The following SYNPO2 variants were observed in gnomAD, a reference collection of about 807,000 sequenced individuals.
The protein encoded by SYNPO2 is synaptopodin 2.
In SYNPO2, 56 loss-of-function variants were observed where a neutral mutation model predicts 85.0. That is an observed-to-expected ratio of 0.66 (90% confidence interval 0.53 to 0.82). The LOEUF (loss-of-function observed/expected upper bound fraction) is 0.82, where lower values mean the gene tolerates loss of function less well. SYNPO2 is among the 40% of genes least tolerant of loss of function. The pLI is 0.00. For synonymous variants in SYNPO2, 602 were observed against 591.1 expected, an observed-to-expected ratio of 1.02 and a Z score of -0.27; for missense variants, 1,575 against 1,534.2, an observed-to-expected ratio of 1.03 and a Z score of -0.44.
chr4:119,046,405 A>T (rs1466220710), intron 4 of SYNPO2, among the ~76,000 whole-genome samples: 2 of 152,226 alleles, frequency 1.3e-5, no homozygotes, highest in Non-Finnish European at 2.9e-5. Context: ...TGGCCAACCC[A>T]GCTGCCTGCA....
chr4:119,034,705 G>C (rs1738429980), intron 4 of SYNPO2: 1 of 985,412 alleles, frequency 1.0e-6, no homozygotes, highest in Non-Finnish European at 1.2e-6. Flanking sequence ...GTGGGAGGAA[G>C]AAGGACTAAC....
chr4:118,921,779 G>GCACACACACA (rs149219584), intron 1 of SYNPO2, among the ~76,000 whole-genome samples: 21 of 148,508 alleles, frequency 1.4e-4, no homozygotes, highest in South Asian at 6.5e-4. Flanking sequence ...CTTTTCATAT[G>GCACACACACA]CACACACACA....
At chr4:118,895,856 T>C (rs1455330420) in intron 1 of SYNPO2, among the ~76,000 whole-genome samples, 1 of 152,248 alleles carries the variant, frequency 6.6e-6, no homozygotes. Context: ...CTCTGTCAGT[T>C]AATTAGTGTT....
chr4:119,031,541 T>C lies in SYNPO2; in HGVS notation c.2766T>C (p.Pro922=), dbSNP rs1036698710. The change falls in exon 4 of 5, where the codon CCT becomes CCC. Residue 922 remains proline, a synonymous_variant. Transcript: ENST00000307142. ...KYSSNVRAPP[P]VAYNPIHSPS... ...CCTCCAATGTCCGAGCACCTCCTCC[T>C]GTGGCCTATAATCCTATCCACTCGC... The C allele has an allele frequency of 6.2e-7, 1 of 1,614,040 alleles. No homozygotes were observed.
intron 1 of SYNPO2, among the ~76,000 whole-genome samples, chr4:118,925,691 C>A (rs1048314643): frequency 8.6e-5 from 13 of 152,034 alleles, no homozygotes; most frequent in Admixed American, 8.5e-4. Flanking sequence ...TTAAAATCAG[C>A]GGGTCAGTTT....
intron 1 of SYNPO2, among the ~76,000 whole-genome samples, chr4:118,924,497 G>A (rs978418584): frequency 6.6e-6 from 1 of 152,142 alleles, no homozygotes; most frequent in Non-Finnish European, 1.5e-5. Flanking sequence ...GTTACTAGGG[G>A]ACTCAGAGCA....
chr4:118,952,531 T>G (rs573793331), intron 1 of SYNPO2, among the ~76,000 whole-genome samples: 1 of 152,326 alleles, frequency 6.6e-6, no homozygotes, highest in South Asian at 2.1e-4. Context: ...TAATTATGTA[T>G]TTTGAATTAA....
At chr4:118,890,159 C>T (rs1436338006) in intron 1 of SYNPO2, among the ~76,000 whole-genome samples, 1 of 150,160 alleles carries the variant, frequency 6.7e-6, no homozygotes, top group Non-Finnish European at 1.5e-5. Context: ...TTTCCCTCTG[C>T]CTTTTACGTT....
At position 118,889,159 on chromosome 4, in the gene SYNPO2, T is replaced by C. The variant is rs1464512404; in HGVS notation, c.105+18T>C. Reference sequence around the variant, plus strand: ...TTGCAAAGGTAGGACCTGAACGAAGTGTCACGGCTCTGTGCTAGGAAGGAA... The same window carrying C: ...TTGCAAAGGTAGGACCTGAACGAAGCGTCACGGCTCTGTGCTAGGAAGGAA... On this transcript the variant is annotated intron_variant, in intron 1 of 4. Transcript: ENST00000307142. 1 of 1,612,160 alleles carries C rather than the reference T, an allele frequency of 6.2e-7. No homozygotes were observed. The highest frequency in any genetic ancestry group is 8.5e-7 in the Non-Finnish European group (1 of 1,178,670).
intron 4 of SYNPO2, chr4:119,033,362 G>C (rs1023987602): frequency 2.0e-6 from 2 of 985,236 alleles, no homozygotes; most frequent in Admixed American, 1.2e-4. Flanking sequence ...TTCAGGCAAG[G>C]TTACCTTGTA....
intron 1 of SYNPO2, among the ~76,000 whole-genome samples, chr4:118,877,992 T>G (rs1023649982): frequency 6.6e-6 from 1 of 152,104 alleles, no homozygotes; most frequent in African/African-American, 2.4e-5. Context: ...GTTTAAAAAA[T>G]ATGGTACATA....
rs201372229 is a variant in SYNPO2, at chr4:119,057,913, G to A, written c.3765G>A (p.Arg1255=). 2.2e-5 allele frequency: 35 copies of A among 1,611,548 alleles called. No homozygotes were observed. The highest frequency in any genetic ancestry group is 2.8e-5 in the Non-Finnish European group (33 of 1,178,870). Residue 1255 remains arginine (R), a synonymous_variant, in exon 5 of 5, where the codon AGG becomes AGA. Transcript: ENST00000307142. ...VADYNYNPHP[R]GWRRQT is the part of the protein sequence containing the mutation. ...ATTACAACTACAACCCACACCCAAG[G>A]GGATGGAGACGCCAAACATGAAAGT...
intron 1 of SYNPO2, among the ~76,000 whole-genome samples, chr4:118,968,283 T>A (rs919180816): frequency 3.9e-5 from 6 of 152,208 alleles, no homozygotes; most frequent in African/African-American, 1.4e-4. Context: ...CACTTGCTAA[T>A]GCCAATCAGA....
At chr4:118,967,860 C>T (rs1405296162) in intron 1 of SYNPO2, among the ~76,000 whole-genome samples, 1 of 145,246 alleles carries the variant, frequency 6.9e-6, no homozygotes. Context: ...ATCTTTATAC[C>T]AAAAAAAAAA....
At chr4:119,028,265 A>G (rs1238039206) in intron 3 of SYNPO2, among the ~76,000 whole-genome samples, 1 of 144,212 alleles carries the variant, frequency 6.9e-6, no homozygotes, top group East Asian at 2.0e-4. Flanking sequence ...TTATTTGAGG[A>G]TGTAAAGGCT....
chr4:119,057,275 GTTAAT>G, intron 4 of SYNPO2, 121 bp from the exon 5 acceptor site: 1 of 1,100,150 alleles, frequency 9.1e-7, no homozygotes, highest in South Asian at 2.2e-5. Context: ...ATTCTGGGGG[GTTAAT>G]TTATTTTTAT....
chr4:118,964,297 AACACACACAC>A (rs10523074), intron 1 of SYNPO2, among the ~76,000 whole-genome samples: 20,756 of 140,556 alleles, frequency 0.15, 1,743 homozygotes, highest in East Asian at 0.3. Flanking sequence ...AAACACACAC[AACACACACAC>A]ACACACACAC....
intron 4 of SYNPO2, chr4:119,038,455 C>T (rs1343352573): frequency 2.9e-5 from 29 of 984,916 alleles, no homozygotes; most frequent in South Asian, 4.7e-5. Flanking sequence ...TAGTGTTGTT[C>T]GTTGGCTGGG....
chr4:118,928,282 T>C lies in SYNPO2; in HGVS notation c.105+39141T>C, dbSNP rs537893324. ...ATGTAGGGGTTTATTAGCTAATTGG[T>C]CAGAATCAAAACTTATAAAAAGCAT... On this transcript the variant is annotated intron_variant, in intron 1 of 4. Transcript: ENST00000307142. Among the ~76,000 whole-genome samples the C allele has an allele frequency of 3.3e-5, 5 of 152,300 alleles. No individual in the cohort carries two copies. In the East Asian group the frequency reaches 9.6e-4, roughly 29 times the overall value.
Sources: allele counts gnomAD v4.1 joint callset (sites outside exome capture counted in the v4.1 genomes callset), GRCh38; gene constraint gnomAD v4.1.1; transcripts MANE v1.5; gene names NCBI Gene and HGNC (gene_info 2026-07-23, HGNC 2026-07-21).